The following PYGL variants were observed in gnomAD, a reference collection of about 807,000 sequenced individuals.
PYGL encodes glycogen phosphorylase, liver form.
PYGL carries 90 observed loss-of-function variants against 100.1 expected under a neutral mutation model. The observed-to-expected ratio is 0.90, with a 90% CI of 0.76 to 1.07. The LOEUF (loss-of-function observed/expected upper bound fraction) is 1.07. PYGL is among the 50% of genes least tolerant of loss of function. PYGL has a pLI of 0.00. For synonymous variants in PYGL, 373 were observed against 393.0 expected (o/e 0.95, Z 0.60); for missense variants, 1,016 against 1,057.6 (o/e 0.96, Z 0.55).
chr14:50,928,050 C>CG (rs1360316276), intron 4 of PYGL, among the ~76,000 whole-genome samples: 8 of 152,124 alleles, frequency 5.3e-5, no homozygotes, highest in South Asian at 4.1e-4. Context: ...AGAGGCTGCA[C>CG]GGGGCTGAAG....
chr14:50,929,038 A>C (rs543642723), intron 4 of PYGL, among the ~76,000 whole-genome samples: 126 of 151,966 alleles, frequency 8.3e-4, no homozygotes, highest in Non-Finnish European at 1.5e-3. Context: ...ATTTTCTTTT[A>C]TCTTATTTTA....
intron 19 of PYGL, among the ~76,000 whole-genome samples, chr14:50,907,767 T>C (rs1446572276): frequency 1.3e-5 from 2 of 152,114 alleles, no homozygotes; most frequent in African/African-American, 4.8e-5. Context: ...TACAACTGGC[T>C]GGGCATGGTG....
chr14:50,910,467 C>T (rs1347277777), intron 16 of PYGL, among the ~76,000 whole-genome samples: 40 of 150,856 alleles, frequency 2.7e-4, no homozygotes, highest in African/African-American at 8.3e-4. Context: ...TTTTCTTTCT[C>T]TTTTTTGGTA....
At chr14:50,938,877 AG>A (rs2050679016) in intron 1 of PYGL, among the ~76,000 whole-genome samples, 1 of 152,178 alleles carries the variant, frequency 6.6e-6, no homozygotes, top group Non-Finnish European at 1.5e-5. Context: ...AAATATTTAT[AG>A]GGCACCTTGG....
In PYGL at chr14:50,944,449, G is replaced by C. The variant is rs2050733310; in HGVS notation, c.-46C>G. On this transcript the variant is annotated 5_prime_UTR_variant, in exon 1 of 20. Transcript: ENST00000216392. ...CGGCGGGCTGCGCAGAGAGCTGGAA[G>C]TGCGGCCGGAGGCGCTGGGCTGCCG... 6.4e-7 allele frequency: 1 copy of C among 1,554,654 alleles called. No homozygotes were observed. Among genetic ancestry groups the C allele is most frequent in the Non-Finnish European group, 8.7e-7 (1 of 1,153,636 alleles).
intron 1 of PYGL, among the ~76,000 whole-genome samples, chr14:50,938,831 A>G (rs899566382): frequency 6.6e-6 from 1 of 152,174 alleles, no homozygotes; most frequent in Admixed American, 6.5e-5. Flanking sequence ...TTGGACAAAC[A>G]GAAGTCAGAC....
chr14:50,932,630 A>G (rs1213177566), intron 3 of PYGL, among the ~76,000 whole-genome samples: 1 of 152,148 alleles, frequency 6.6e-6, no homozygotes, highest in African/African-American at 2.4e-5. Flanking sequence ...TTTTGATTGA[A>G]GCATTTTTGC....
At chr14:50,919,069 C>T (rs1416341429) in intron 7 of PYGL, among the ~76,000 whole-genome samples, 1 of 152,182 alleles carries the variant, frequency 6.6e-6, no homozygotes, top group Non-Finnish European at 1.5e-5. Context: ...AAACATGATC[C>T]TGAGAACTCC....
chr14:50,917,046 C>CAAGG lies in PYGL; in HGVS notation c.911_914dup (p.Leu305PhefsTer25), dbSNP rs758943884. 19 of 1,613,812 alleles carry CAAGG rather than the reference C, an allele frequency of 1.2e-5. No homozygotes were observed. The highest frequency in any genetic ancestry group is 1.5e-5 in the Non-Finnish European group (18 of 1,179,798). Reference sequence around the variant, plus strand: ...CTTTGAAACGGCGGATGATATCTTGCAAGGTTGCAGCCACCACAAAGTATT... The same window carrying CAAGG: ...CTTTGAAACGGCGGATGATATCTTGCAAGGAAGGTTGCAGCCACCACAAAGTATT... On this transcript the variant is annotated frameshift_variant, in exon 8 of 20. Transcript: ENST00000216392. LOFTEE classifies it high-confidence loss of function.
chr14:50,907,770 G>C (rs958291506), intron 19 of PYGL, among the ~76,000 whole-genome samples: 3 of 152,104 alleles, frequency 2.0e-5, no homozygotes, highest in Non-Finnish European at 4.4e-5. Flanking sequence ...AACTGGCTGG[G>C]CATGGTGGCT....
intron 2 of PYGL, among the ~76,000 whole-genome samples, chr14:50,936,696 C>G (rs746449103): frequency 6.6e-6 from 1 of 151,936 alleles, no homozygotes; most frequent in Non-Finnish European, 1.5e-5. Flanking sequence ...GTAATCCCAG[C>G]TACTCAGGAG....
At position 50,917,029 on chromosome 14, in the gene PYGL, C is replaced by T. The variant is rs372052157; in HGVS notation, c.932G>A (p.Arg311His). 6.2e-5 allele frequency: 100 copies of T among 1,613,834 alleles called. No individual in the cohort carries two copies. The highest frequency in any genetic ancestry group is 7.4e-5 in the Non-Finnish European group (87 of 1,179,830). ...GGAGCCAAACTTGGAGGCTTTGAAA[C>T]GGCGGATGATATCTTGCAAGGTTGC... ...VAATLQDIIR[R>H]FKASKFGSTR... The change falls in exon 8 of 20, where the codon CGT (arginine) becomes CAT (histidine). Residue 311 changes from arginine (R) to histidine (H), a missense_variant. Arg to His is a conservative substitution (Grantham distance 29). Coordinates refer to ENST00000216392, the MANE Select transcript of PYGL (RefSeq NM_002863.5).
In PYGL at chr14:50,944,313, T is replaced by C; in HGVS notation, c.91A>G (p.Ser31Gly). Residue 31 changes from serine to glycine, a missense_variant, in exon 1 of 20, where the codon AGT becomes GGT. Physicochemically the swap from Ser to Gly is moderately conservative, Grantham distance 56. Transcript: ENST00000216392. ...GVENVAELKK[S>G]FNRHLHFTLV... ...GTGAAGTGCAGGTGCCGGTTGAAAC[T>C]CTTCTTCAGCTCTGCCACGTTCTCC... is the stretch of plus-strand genomic sequence containing the variant. 1.2e-6 allele frequency: 2 copies of C among 1,613,948 alleles called. No homozygotes were observed. Among genetic ancestry groups the C allele is most frequent in the South Asian group, 1.1e-5 (1 of 91,084 alleles).
At chr14:50,913,220 T>C (rs577711004) in intron 12 of PYGL, 90 bp from the exon 13 acceptor site, 1 of 1,004,344 alleles carries the variant, frequency 1.0e-6, no homozygotes, top group Non-Finnish European at 1.5e-6. Flanking sequence ...CTCTGTCACC[T>C]ACCACAGTGT....
chr14:50,916,693 G>A lies in PYGL; in HGVS notation c.1041C>T (p.Ile347=). The A allele has an allele frequency of 6.2e-7, 1 of 1,614,220 alleles. No homozygotes were observed. Among genetic ancestry groups the A allele is most frequent in the Non-Finnish European group, 8.5e-7 (1 of 1,180,020 alleles). ...CCACAAAAATCCTCATCAGCTCAGG[G>A]ATCGCGAGTGCAGGGTGAGTGTCAT... ...QLNDTHPALA[I]PELMRIFVDI... The change falls in exon 9 of 20, where the codon ATC becomes ATT. Residue 347 remains isoleucine, a synonymous_variant. Coordinates refer to ENST00000216392, the MANE Select transcript of PYGL (RefSeq NM_002863.5).
intron 16 of PYGL, among the ~76,000 whole-genome samples, chr14:50,911,420 T>C (rs2050396091): frequency 6.6e-6 from 1 of 152,226 alleles, no homozygotes; most frequent in Non-Finnish European, 1.5e-5. Flanking sequence ...CTGAAGACCT[T>C]TCCTCTGTTT....
At chr14:50,927,513 C>A (rs1015732053) in intron 4 of PYGL, among the ~76,000 whole-genome samples, 1 of 152,200 alleles carries the variant, frequency 6.6e-6, no homozygotes, top group African/African-American at 2.4e-5. Flanking sequence ...GCGTGAGCCA[C>A]CACGATAAGC....
In PYGL at chr14:50,940,407, A is replaced by T. The variant is rs151256511; in HGVS notation, c.244-2570T>A. ...TTTGCCTCCTTTTTAATGATTCCAC[A>T]TTAGCACGAACTTAAGTCTTCTTAA... On this transcript the variant is annotated intron_variant, in intron 1 of 19. Transcript: ENST00000216392. 1.4e-3 allele frequency among the ~76,000 whole-genome samples: 212 copies of T among 152,362 alleles called. 1 individual carries two copies. The highest frequency in any genetic ancestry group is 2.6e-3 in the Non-Finnish European group (175 of 68,028).
intron 4 of PYGL, among the ~76,000 whole-genome samples, chr14:50,929,893 T>C (rs1026995681): frequency 6.6e-6 from 1 of 152,222 alleles, no homozygotes; most frequent in East Asian, 1.9e-4. Flanking sequence ...TAGAAGATAG[T>C]ATATATATTT....
Sources: gnomAD v4.1 joint callset for allele counts (sites outside exome capture counted in the v4.1 genomes callset) on GRCh38, gnomAD v4.1.1 for gene constraint, MANE v1.5 for transcripts, NCBI Gene and HGNC (gene_info 2026-07-23, HGNC 2026-07-21) for gene names.